Variants in CCSER1 observed in about 807,000 individuals in gnomAD.
The protein encoded by CCSER1 is serine-rich coiled-coil domain-containing protein 1.
A neutral mutation model predicts 82.0 loss-of-function variants in CCSER1; 41 were observed. That is an observed-to-expected ratio of 0.50 (90% CI 0.39 to 0.65). CCSER1 has a LOEUF of 0.65. CCSER1 is among the 30% of genes least tolerant of loss of function. The pLI, the probability that CCSER1 is intolerant of heterozygous loss-of-function variation, is 0.00. For missense variants in CCSER1, 1,119 were observed against 1,064.2 expected, an observed-to-expected ratio of 1.05 and a Z score of -0.72; for synonymous variants, 414 against 383.9, an observed-to-expected ratio of 1.08 and a Z score of -0.92.
At chr4:90,458,741 T>C (rs1762502194) in intron 4 of CCSER1, among the ~76,000 whole-genome samples, 1 of 152,216 alleles carries the variant, frequency 6.6e-6, no homozygotes, top group Admixed American at 6.5e-5. Flanking sequence ...TGTGAACTAC[T>C]TAGAAGGAGC....
chr4:90,143,849 T>A (rs1252804272), intron 1 of CCSER1, among the ~76,000 whole-genome samples: 1 of 150,754 alleles, frequency 6.6e-6, no homozygotes, highest in Non-Finnish European at 1.5e-5. Context: ...CATACCCAAG[T>A]CATGTTTTGT....
At chr4:91,325,151 G>A in intron 10 of CCSER1, 1 of 456,158 alleles carries the variant, frequency 2.2e-6, no homozygotes, top group South Asian at 1.5e-5. Flanking sequence ...TGGGTTAGCA[G>A]TGGTCCTCTT....
intron 10 of CCSER1, among the ~76,000 whole-genome samples, chr4:91,397,869 T>A (rs1464217419): frequency 6.6e-6 from 1 of 152,000 alleles, no homozygotes; most frequent in Non-Finnish European, 1.5e-5. Context: ...CCAAGAGCTG[T>A]CAGTAGTTTG....
chr4:91,488,177 G>C (rs62309608), intron 10 of CCSER1, among the ~76,000 whole-genome samples: 26 of 152,106 alleles, frequency 1.7e-4, no homozygotes, highest in African/African-American at 5.5e-4. Flanking sequence ...TCGCATAAGC[G>C]GTTATCCAAA....
intron 10 of CCSER1, chr4:91,129,971 G>T (rs889419408): frequency 1.3e-5 from 2 of 151,914 alleles, no homozygotes; most frequent in African/African-American, 4.8e-5. Flanking sequence ...ATTGGTTGAA[G>T]AAATATGTTA....
At chr4:91,595,959 A>AC (rs1359523338) in intron 10 of CCSER1, among the ~76,000 whole-genome samples, 4 of 151,302 alleles carry the variant, frequency 2.6e-5, no homozygotes, top group African/African-American at 9.7e-5. Flanking sequence ...AAAAAAAAAA[A>AC]AAAAAAAACC....
intron 4 of CCSER1, among the ~76,000 whole-genome samples, chr4:90,401,278 C>A (rs944400842): frequency 2.6e-5 from 4 of 152,088 alleles, no homozygotes; most frequent in Admixed American, 2.0e-4. Context: ...CACTTTTATG[C>A]AGATGGTTTT....
intron 8 of CCSER1, among the ~76,000 whole-genome samples, chr4:90,879,668 G>A (rs1363917488): frequency 2.0e-5 from 3 of 151,642 alleles, no homozygotes; most frequent in Admixed American, 2.0e-4. Flanking sequence ...GAGGAAAGAA[G>A]AAGAAGAAAG....
chr4:91,209,378 T>C (rs569014274), intron 10 of CCSER1, among the ~76,000 whole-genome samples: 1 of 152,120 alleles, frequency 6.6e-6, no homozygotes, highest in South Asian at 2.1e-4. Context: ...TATTTTGAGG[T>C]ATGTTCCTTC....
intron 10 of CCSER1, among the ~76,000 whole-genome samples, chr4:91,219,883 A>G (rs1305276649): frequency 2.0e-5 from 3 of 152,318 alleles, no homozygotes; most frequent in East Asian, 3.9e-4. Context: ...TCTTAAAGAA[A>G]CAAATTTATA....
At chr4:90,933,000 GAAAGAAAGAAAGAAAGAAAGAAAGAA>G (rs1730293298) in intron 9 of CCSER1, among the ~76,000 whole-genome samples, 1 of 63,284 alleles carries the variant, frequency 1.6e-5, no homozygotes, top group African/African-American at 1.2e-4. Context: ...AAGAAAGAAA[GAAAGAAAGAAAGAAAGAAAGAAAGAA>G]AGAAAGAAAG....
At chr4:90,892,928 T>C (rs2150119922) in intron 8 of CCSER1, among the ~76,000 whole-genome samples, 1 of 152,238 alleles carries the variant, frequency 6.6e-6, no homozygotes, top group Middle Eastern at 3.4e-3. Context: ...CACATTTATA[T>C]AAAATGATTA....
At chr4:91,134,390 C>T (rs901846289) in intron 10 of CCSER1, among the ~76,000 whole-genome samples, 4 of 151,188 alleles carry the variant, frequency 2.6e-5, no homozygotes, top group Non-Finnish European at 4.4e-5. Flanking sequence ...CATTTCACTC[C>T]AGTCAGGGCA....
chr4:90,962,603 A>G (rs766038527), intron 9 of CCSER1, among the ~76,000 whole-genome samples: 1 of 152,170 alleles, frequency 6.6e-6, no homozygotes, highest in Non-Finnish European at 1.5e-5. Context: ...TAACCATATT[A>G]CATGTGGAAA....
At chr4:91,319,081 A>G (rs1746015941) in intron 10 of CCSER1, 1 of 281,974 alleles carries the variant, frequency 3.5e-6, no homozygotes, top group Non-Finnish European at 7.2e-6. Context: ...CTTGGTAAGG[A>G]AATTAACAGA....
intron 8 of CCSER1, among the ~76,000 whole-genome samples, chr4:90,913,711 G>A (rs764749885): frequency 3.3e-5 from 5 of 152,116 alleles, no homozygotes; most frequent in Non-Finnish European, 7.4e-5. Flanking sequence ...TGGATAAAGA[G>A]TCAACACCAA....
At chr4:90,160,935 A>G (rs534712451) in intron 1 of CCSER1, among the ~76,000 whole-genome samples, 1 of 152,336 alleles carries the variant, frequency 6.6e-6, no homozygotes, top group East Asian at 1.9e-4. Context: ...TATTTTTGCC[A>G]AATACCACAC....
At chr4:91,020,464 C>A (rs963431011) in intron 9 of CCSER1, among the ~76,000 whole-genome samples, 1 of 152,076 alleles carries the variant, frequency 6.6e-6, no homozygotes, top group Non-Finnish European at 1.5e-5. Flanking sequence ...AGATTGAAAC[C>A]ATCCTGGCTA....
At chr4:90,161,650 T>C (rs1445083946) in intron 1 of CCSER1, among the ~76,000 whole-genome samples, 3 of 152,090 alleles carry the variant, frequency 2.0e-5, no homozygotes, top group African/African-American at 7.2e-5. Flanking sequence ...TCTAAAAAAG[T>C]TTTAAGCACA....
Sources: gnomAD v4.1 joint callset for allele counts (sites outside exome capture counted in the v4.1 genomes callset) on GRCh38, gnomAD v4.1.1 for gene constraint, MANE v1.5 for transcripts, NCBI Gene and HGNC (gene_info 2026-07-23, HGNC 2026-07-21) for gene names.